The following NDRG2 variants were observed in gnomAD, a reference collection of about 807,000 sequenced individuals.
NDRG2 encodes protein NDRG2.
In NDRG2, 34 loss-of-function variants were observed where a neutral mutation model predicts 58.2. The ratio of observed to expected loss-of-function variants is 0.58; its 90% confidence interval spans 0.44 to 0.78. The LOEUF is 0.78. NDRG2 is among the 30% of genes least tolerant of loss of function. The pLI, the probability that NDRG2 is intolerant of heterozygous loss-of-function variation, is 0.00. For missense variants in NDRG2, 434 were observed against 471.2 expected, an observed-to-expected ratio of 0.92 and a Z score of 0.73; for synonymous variants, 187 against 175.9, an observed-to-expected ratio of 1.06 and a Z score of -0.50.
chr14:21,026,127 G>A (rs1035019989), upstream of NDRG2, among the ~76,000 whole-genome samples: 3 of 152,014 alleles, frequency 2.0e-5, no homozygotes, highest in Non-Finnish European at 2.9e-5. Context: ...GTTTGCCACT[G>A]TAGACTTTAC....
intron 1 of NDRG2, among the ~76,000 whole-genome samples, chr14:21,055,765 C>T (rs931558930): frequency 2.0e-5 from 3 of 152,246 alleles, no homozygotes; most frequent in Admixed American, 6.5e-5. Context: ...GGTCTGTAAC[C>T]GTTAATGAAT....
At chr14:21,068,702 C>T (rs980807396) in intron 1 of NDRG2, among the ~76,000 whole-genome samples, 1 of 152,170 alleles carries the variant, frequency 6.6e-6, no homozygotes, top group South Asian at 2.1e-4. Flanking sequence ...GGTCCCCTAG[C>T]CGGGTGTTAG....
At chr14:21,062,727 G>GTGTGTT (rs1886030282) in intron 1 of NDRG2, among the ~76,000 whole-genome samples, 1 of 150,686 alleles carries the variant, frequency 6.6e-6, no homozygotes, top group East Asian at 2.0e-4. Context: ...GTGTGTGTGT[G>GTGTGTT]TGTGTGTGTG....
upstream of NDRG2, among the ~76,000 whole-genome samples, chr14:21,028,081 A>C (rs1016029945): frequency 2.6e-5 from 4 of 152,212 alleles, no homozygotes; most frequent in African/African-American, 9.6e-5. Flanking sequence ...CTCAGCTAGT[A>C]AATGACATAT....
intron 1 of NDRG2, among the ~76,000 whole-genome samples, chr14:21,061,522 G>C (rs11624129): frequency 6.6e-6 from 1 of 151,962 alleles, no homozygotes; most frequent in Non-Finnish European, 1.5e-5. Context: ...GGTGAAGCTG[G>C]GACCACAGAA....
chr14:21,036,338 G>C, intron 1 of NDRG2: 1 of 443,148 alleles, frequency 2.3e-6, no homozygotes, highest in East Asian at 7.0e-5. Context: ...CATAGGGTAG[G>C]GGTGCCCAGT....
At position 21,019,096 on chromosome 14, in the gene NDRG2, A is replaced by G. The variant is rs376087460; in HGVS notation, c.761+20T>C. On this transcript the variant is annotated intron_variant, in intron 11 of 15. Transcript: ENST00000556147. Reference sequence around the variant, plus strand: ...GAAGATCCAGGGAGACAGGCAATGCATTATCTCTTAAAGTCTTACCTGAGG... The same window carrying G: ...GAAGATCCAGGGAGACAGGCAATGCGTTATCTCTTAAAGTCTTACCTGAGG... The G allele has an allele frequency of 3.0e-5, 48 of 1,594,500 alleles. No homozygotes were observed. In the African/African-American group the frequency reaches 6.1e-4, roughly 20 times the overall value.
At chr14:21,023,032 A>G (rs1390788371) in intron 2 of NDRG2, 127 bp from the exon 3 acceptor site, 3 of 1,156,614 alleles carry the variant, frequency 2.6e-6, no homozygotes, top group Non-Finnish European at 3.8e-6. Flanking sequence ...AAAGAGATTG[A>G]CAAAGAGAGA....
At chr14:21,021,934 C>T in intron 5 of NDRG2, 55 bp from the exon 6 acceptor site, 1 of 1,611,472 alleles carries the variant, frequency 6.2e-7, no homozygotes, top group Non-Finnish European at 8.5e-7. Context: ...CACCCCCCAC[C>T]TCAGGATGTC....
chr14:21,024,616 A>G lies in NDRG2; in HGVS notation c.-593T>C, dbSNP rs1011067524. On this transcript the variant is annotated 5_prime_UTR_variant, in exon 1 of 16. Coordinates refer to ENST00000556147, the MANE Select transcript of NDRG2 (RefSeq NM_001320329.2). The stretch of plus-strand genomic sequence containing the variant: ...TCTACTCAGTCTCCGTGTAGGTCCC[A>G]CGAGTGGAGAAAGGGAGAGGAGAGC... 1 of 984,550 alleles carries G rather than the reference A, an allele frequency of 1.0e-6. No homozygotes were observed. The highest frequency in any genetic ancestry group is 1.8e-5 in the African/African-American group (1 of 57,008). 61.0% of individuals were successfully genotyped at this position (984,550 alleles called of 1,614,324 possible).
At chr14:21,025,278 G>T, upstream of NDRG2, 1 of 915,920 alleles carries the variant, frequency 1.1e-6, no homozygotes, top group Non-Finnish European at 1.3e-6. The surrounding 1 kb of genome is among the most constrained non-coding windows in gnomAD (Gnocchi z 5.1). Flanking sequence ...GCTCTGCTCG[G>T]CTCACCAAAA....
chr14:21,063,940 G>A (rs553904226), intron 1 of NDRG2, among the ~76,000 whole-genome samples: 4 of 152,108 alleles, frequency 2.6e-5, no homozygotes, highest in Admixed American at 6.5e-5. Flanking sequence ...ACATAGAACC[G>A]AATCTGCTTC....
In NDRG2 at chr14:21,022,890, C is replaced by G; in HGVS notation, c.91G>C (p.Ala31Pro). Residue 31 changes from alanine (A) to proline (P), a missense_variant, in exon 3 of 16, where the codon GCC becomes CCC. Physicochemically the swap from Ala to Pro is conservative, Grantham distance 27. Transcript: ENST00000556147. ...PEAAKEAELA[A>P]RILLDQGQTH... Reference sequence around the variant, plus strand: ...TGTCCCTGGTCCAGGAGGATTCGGGCAGCTAACTCAGCCTCCTGGAGAGAC... The same window carrying G: ...TGTCCCTGGTCCAGGAGGATTCGGGGAGCTAACTCAGCCTCCTGGAGAGAC... 6.2e-7 allele frequency: 1 copy of G among 1,613,996 alleles called. No homozygotes were observed. Among genetic ancestry groups the G allele is most frequent in the Non-Finnish European group, 8.5e-7 (1 of 1,179,946 alleles).
At chr14:21,038,597 G>A (rs1275219841) in intron 1 of NDRG2, among the ~76,000 whole-genome samples, 1 of 152,172 alleles carries the variant, frequency 6.6e-6, no homozygotes, top group Non-Finnish European at 1.5e-5. Flanking sequence ...TGAAAAATGG[G>A]GGGAAACCGG....
At chr14:21,025,211 C>T (rs936692013), upstream of NDRG2, 2 of 866,326 alleles carry the variant, frequency 2.3e-6, no homozygotes, top group African/African-American at 3.6e-5. This position sits in a 1 kb window ranked among gnomAD's most constrained non-coding sequence, Gnocchi z 5.1. Flanking sequence ...GACTGCCGCT[C>T]AGGAAAGGGT....
intron 1 of NDRG2, among the ~76,000 whole-genome samples, chr14:21,068,918 C>G (rs1455302206): frequency 6.6e-6 from 1 of 152,224 alleles, no homozygotes; most frequent in African/African-American, 2.4e-5. Context: ...GAGCAAGTCA[C>G]CTTGGCGGCA....
At chr14:21,034,278 G>C in intron 1 of NDRG2, 1 of 1,610,336 alleles carries the variant, frequency 6.2e-7, no homozygotes, top group Non-Finnish European at 8.5e-7. Flanking sequence ...CCGGGTCACA[G>C]CTGGTGCCAT....
Position 21,070,363 on chromosome 14 carries a change from C to G in NDRG2, c.24+465G>C. 2 of 1,407,410 alleles carry G rather than the reference C, an allele frequency of 1.4e-6. No homozygotes were observed. The highest frequency in any genetic ancestry group is 3.2e-5 in the Admixed American group (1 of 30,996). 87.2% of individuals were successfully genotyped at this position (1,407,410 alleles called of 1,614,324 possible). A position where few individuals can be genotyped will look rare whatever the true frequency, so the allele number is the denominator to read the frequency against. On this transcript the variant is annotated intron_variant, in intron 1 of 14. Coordinates refer to the NDRG2 transcript ENST00000403829. This position sits in a 1 kb window ranked among gnomAD's most constrained non-coding sequence, Gnocchi z 4.7. Reference sequence around the variant, plus strand: ...GGTGGCGCGCCCGGCCCCGCCCGCCCGACCAAGCGTCGGACGCGGCCCGGC... The same window carrying G: ...GGTGGCGCGCCCGGCCCCGCCCGCCGGACCAAGCGTCGGACGCGGCCCGGC...
At chr14:21,054,588 G>A (rs1170038961) in intron 1 of NDRG2, among the ~76,000 whole-genome samples, 1 of 152,186 alleles carries the variant, frequency 6.6e-6, no homozygotes, top group African/African-American at 2.4e-5. Flanking sequence ...CTGGCAGCTT[G>A]GGTCTGTAAC....
Sources: gnomAD v4.1 joint callset for allele counts (sites outside exome capture counted in the v4.1 genomes callset) on GRCh38, gnomAD v4.1.1 for gene constraint, Gnocchi (gnomAD v3.1) non-coding constraint, MANE v1.5 for transcripts, NCBI Gene and HGNC (gene_info 2026-07-23, HGNC 2026-07-21) for gene names.